Variants in ATP11A observed in about 807,000 individuals in gnomAD.
The protein encoded by ATP11A is ATPase phospholipid transporting 11A, also known as phospholipid-transporting ATPase IH.
A neutral mutation model predicts 154.4 loss-of-function variants in ATP11A; 81 were observed. That is an observed-to-expected ratio of 0.52 (90% confidence interval 0.44 to 0.63). ATP11A has a LOEUF of 0.63. Among genes scored for constraint, ATP11A ranks in the 30% least tolerant of loss-of-function variants. The pLI, the probability that ATP11A is intolerant of heterozygous loss-of-function variation, is 0.00. For synonymous variants in ATP11A, 623 were observed against 585.9 expected, an observed-to-expected ratio of 1.06 and a Z score of -0.91; for missense variants, 1,316 against 1,474.3, an observed-to-expected ratio of 0.89 and a Z score of 1.76.
chr13:112,710,189 C>T (rs1429687921), intron 1 of ATP11A, among the ~76,000 whole-genome samples: 1 of 152,238 alleles, frequency 6.6e-6, no homozygotes, highest in African/African-American at 2.4e-5. Context: ...TCCCTCTTTG[C>T]AGACGTGTGT....
At chr13:112,866,712 C>T (rs903190165) in intron 25 of ATP11A, among the ~76,000 whole-genome samples, 21 of 130,466 alleles carry the variant, frequency 1.6e-4, no homozygotes, top group African/African-American at 5.3e-4. Flanking sequence ...GTGTGTTTGT[C>T]CCTCAGACTG....
chr13:112,765,805 C>A (rs565440543), intron 1 of ATP11A, among the ~76,000 whole-genome samples: 1 of 152,362 alleles, frequency 6.6e-6, no homozygotes, highest in South Asian at 2.1e-4. Context: ...ACGAATAATT[C>A]TCGCTGCAGA....
At chr13:112,736,159 T>C (rs1484012155) in intron 1 of ATP11A, among the ~76,000 whole-genome samples, 1 of 152,198 alleles carries the variant, frequency 6.6e-6, no homozygotes, top group African/African-American at 2.4e-5. Flanking sequence ...GGGTGAGAAC[T>C]CGAGCCCTGA....
intron 1 of ATP11A, among the ~76,000 whole-genome samples, chr13:112,778,507 G>A (rs1287538257): frequency 6.6e-6 from 1 of 152,270 alleles, no homozygotes. Context: ...GCTGCACAGG[G>A]AGCATTGCTT....
intron 12 of ATP11A, among the ~76,000 whole-genome samples, 192 bp from the exon 13 acceptor site, chr13:112,831,183 G>A (rs190044581): frequency 2.4e-4 from 36 of 152,322 alleles, no homozygotes; most frequent in Middle Eastern, 3.4e-3. Flanking sequence ...CCTGTTGGAC[G>A]CTGGGAAGGA....
chr13:112,813,094 G>C (rs2078548068), intron 5 of ATP11A, among the ~76,000 whole-genome samples: 1 of 152,232 alleles, frequency 6.6e-6, no homozygotes, highest in African/African-American at 2.4e-5. Context: ...CTCAGGACGA[G>C]AAAGAAAAGA....
chr13:112,842,071 G>A (rs537161909), intron 16 of ATP11A, among the ~76,000 whole-genome samples: 1 of 152,288 alleles, frequency 6.6e-6, no homozygotes, highest in African/African-American at 2.4e-5. Context: ...GAATTTCTAG[G>A]GTGTAGGAAT....
intron 16 of ATP11A, among the ~76,000 whole-genome samples, chr13:112,841,822 G>C (rs766751613): frequency 6.6e-6 from 1 of 152,244 alleles, no homozygotes; most frequent in Non-Finnish European, 1.5e-5. Context: ...AAAAAATGAC[G>C]CAAACGTTTC....
rs146319668 is a variant in ATP11A, at chr13:112,825,496, G to A, written c.939G>A (p.Val313=). The change falls in exon 11 of 30, where the codon GTG becomes GTA. Residue 313 remains valine, a synonymous_variant. Transcript: ENST00000375645. ...TCAGCAAAGCCCTGATAAACACTGT[G>A]CTGAAATACATGTGGCAGAGTGAGC... ...ILISKALINT[V]LKYMWQSEPF... The A allele has an allele frequency of 1.2e-6, 2 of 1,614,048 alleles. No individual in the cohort carries two copies. The highest frequency in any genetic ancestry group is 2.7e-5 in the African/African-American group (2 of 75,038).
chr13:112,788,037 TG>T (rs1489313342), intron 2 of ATP11A, among the ~76,000 whole-genome samples: 10 of 149,250 alleles, frequency 6.7e-5, no homozygotes, highest in South Asian at 4.3e-4. Context: ...TCACACCAAG[TG>T]TCCTGATGTG....
intron 1 of ATP11A, among the ~76,000 whole-genome samples, chr13:112,713,724 A>G (rs1888033374): frequency 6.6e-6 from 1 of 152,136 alleles, no homozygotes; most frequent in South Asian, 2.1e-4. Context: ...TAATCTTCTG[A>G]TGACAGACAG....
At chr13:112,856,623 G>A (rs998329792) in intron 20 of ATP11A, 1 of 152,114 alleles carries the variant, frequency 6.6e-6, no homozygotes, top group South Asian at 2.1e-4. Flanking sequence ...TGTGGGAAAC[G>A]CACACCTGAA....
intron 1 of ATP11A, among the ~76,000 whole-genome samples, chr13:112,756,849 G>GCGGGGTCTGCTCCCAGCA (rs2076849881): frequency 5.3e-5 from 8 of 150,322 alleles, no homozygotes; most frequent in Admixed American, 2.6e-4. Context: ...TGCTCCCAGC[G>GCGGGGTCTGCTCCCAGCA]CGGGGTCTGC....
At chr13:112,804,414 CTT>C in intron 2 of ATP11A, among the ~76,000 whole-genome samples, 1 of 4,328 alleles carries the variant, frequency 2.3e-4, no homozygotes, top group Non-Finnish European at 4.9e-4. Flanking sequence ...CCTTCCCCTC[CTT>C]TTCCTCCTTC....
chr13:112,736,334 CTAAA>C (rs1301741584), intron 1 of ATP11A, among the ~76,000 whole-genome samples: 3 of 152,164 alleles, frequency 2.0e-5, no homozygotes, highest in Admixed American at 2.0e-4. Flanking sequence ...TATAGAGCTG[CTAAA>C]TAGTGTCTGA....
At chr13:112,740,049 C>T (rs749223404) in intron 1 of ATP11A, among the ~76,000 whole-genome samples, 19 of 151,068 alleles carry the variant, frequency 1.3e-4, no homozygotes, top group African/African-American at 2.7e-4. Flanking sequence ...ATGGTGGTGA[C>T]GATTGTGCAA....
chr13:112,778,960 A>C (rs2077421746), intron 1 of ATP11A, among the ~76,000 whole-genome samples: 1 of 116,306 alleles, frequency 8.6e-6, no homozygotes, highest in Non-Finnish European at 1.7e-5. Context: ...TAGCCGCTGG[A>C]GTGAGTAGCC....
chr13:112,748,754 T>A (rs1053865302), intron 1 of ATP11A, among the ~76,000 whole-genome samples: 8 of 152,196 alleles, frequency 5.3e-5, no homozygotes, highest in African/African-American at 1.4e-4. Context: ...GCTACAGAGA[T>A]AATGTAAAAA....
At chr13:112,862,812 T>A (rs1327962192) in intron 25 of ATP11A, among the ~76,000 whole-genome samples, 1 of 147,060 alleles carries the variant, frequency 6.8e-6, no homozygotes, top group Non-Finnish European at 1.5e-5. Context: ...CATCACCACC[T>A]GCGCAGTAAT....
Sources: gnomAD v4.1 joint callset for allele counts (sites outside exome capture counted in the v4.1 genomes callset) on GRCh38, gnomAD v4.1.1 for gene constraint, MANE v1.5 for transcripts, NCBI Gene and HGNC (gene_info 2026-07-23, HGNC 2026-07-21) for gene names.